GRM3: variants seen among roughly 807,000 people sequenced by gnomAD.
The protein encoded by GRM3 is metabotropic glutamate receptor 3.
GRM3 carries 26 observed loss-of-function variants against 70.5 expected under a neutral mutation model. The ratio of observed to expected loss-of-function variants is 0.37; its 90% CI spans 0.27 to 0.51. GRM3 has a LOEUF of 0.51. Ranked by LOEUF, GRM3 falls within the 20% of genes least tolerant of loss-of-function variation. The pLI is 0.93. For synonymous variants in GRM3, 443 were observed against 434.9 expected (o/e 1.02, Z -0.23); for missense variants, 859 against 1,123.8 (o/e 0.76, Z 3.37).
At chr7:86,650,568 T>G (rs1793579588) in intron 1 of GRM3, among the ~76,000 whole-genome samples, 1 of 152,146 alleles carries the variant, frequency 6.6e-6, no homozygotes, top group South Asian at 2.1e-4. Context: ...ATGGAAGAAG[T>G]AAGCTAAAAC....
rs17856664 is a variant in GRM3, at chr7:86,839,048, C to G, written c.1534C>G (p.Pro512Ala). 6.2e-7 allele frequency: 1 copy of G among 1,613,946 alleles called. No individual in the cohort carries two copies. The highest frequency in any genetic ancestry group is 8.5e-7 in the Non-Finnish European group (1 of 1,179,872). ...AGTCCCCACTTCCCAGTGCAGCGACCCCTGTGCCCCCAATGAAATGAAGAA... is the reference window on the plus strand; with the variant it reads ...AGTCCCCACTTCCCAGTGCAGCGACGCCTGTGCCCCCAATGAAATGAAGAA... ...NSVPTSQCSD[P>A]CAPNEMKNMQ... is the part of the protein sequence containing the mutation. Residue 512 changes from proline (P) to alanine (A), a missense_variant, in exon 4 of 6, where the codon CCC becomes GCC. Transcript: ENST00000361669. This position sits in a 1 kb window ranked among gnomAD's most constrained non-coding sequence, Gnocchi z 4.5.
At chr7:86,776,464 C>T (rs1366019361) in intron 2 of GRM3, among the ~76,000 whole-genome samples, 3 of 152,046 alleles carry the variant, frequency 2.0e-5, no homozygotes, top group Admixed American at 6.6e-5. Flanking sequence ...CTGTTTGCTA[C>T]AATATGGTGA....
chr7:86,745,712 T>A (rs960669272), intron 1 of GRM3, among the ~76,000 whole-genome samples: 11 of 152,100 alleles, frequency 7.2e-5, no homozygotes, highest in Admixed American at 1.3e-4. Flanking sequence ...ACATGCCTAA[T>A]TTTTCTGTCA....
intron 1 of GRM3, among the ~76,000 whole-genome samples, chr7:86,677,619 T>TGTA (rs1794339015): frequency 7.2e-5 from 11 of 152,184 alleles, no homozygotes; most frequent in African/African-American, 2.6e-4. Context: ...TTCTAAAACT[T>TGTA]ATTAGTTTCA....
chr7:86,706,528 G>A (rs1795061077), intron 1 of GRM3, among the ~76,000 whole-genome samples: 1 of 152,024 alleles, frequency 6.6e-6, no homozygotes, highest in South Asian at 2.1e-4. Flanking sequence ...TTTGTGGTGG[G>A]CAGTATGCTG....
chr7:86,844,307 T>A (rs1171204955), intron 4 of GRM3, among the ~76,000 whole-genome samples: 1 of 152,156 alleles, frequency 6.6e-6, no homozygotes, highest in Non-Finnish European at 1.5e-5. Context: ...AGCCAGACAT[T>A]GGAATTCTAT....
chr7:86,805,261 T>G (rs1562870118), intron 3 of GRM3, among the ~76,000 whole-genome samples: 1 of 152,232 alleles, frequency 6.6e-6, no homozygotes, highest in African/African-American at 2.4e-5. Flanking sequence ...ACCTTTTTTT[T>G]ATTTTTTAAA....
intron 3 of GRM3, among the ~76,000 whole-genome samples, chr7:86,804,029 G>A (rs930554091): frequency 3.3e-5 from 5 of 152,116 alleles, no homozygotes; most frequent in African/African-American, 1.2e-4. Context: ...GAGGTGGAGT[G>A]ACTCAACTAC....
rs747828167 is a variant in GRM3, at chr7:86,786,245, C to A, written c.469-16C>A. 2 of 1,597,368 alleles carry A rather than the reference C, an allele frequency of 1.3e-6. No homozygotes were observed. The highest frequency in any genetic ancestry group is 4.5e-5 in the East Asian group (2 of 44,720). On this transcript the variant is annotated splice_polypyrimidine_tract_variant and intron_variant, in intron 2 of 5. Transcript: ENST00000361669. The surrounding 1 kb of genome is among the most constrained non-coding windows in gnomAD (Gnocchi z 6.0). ...CTCGGGGTTTCTAACAAAGGTCCTT[C>A]TTCTCCCTCCCCTAGGTGGCAAACC...
chr7:86,757,143 G>T (rs535721390), intron 1 of GRM3, among the ~76,000 whole-genome samples: 1 of 152,220 alleles, frequency 6.6e-6, no homozygotes, highest in South Asian at 2.1e-4. Context: ...TCCAAAATGT[G>T]CACCATTTCA....
intron 3 of GRM3, among the ~76,000 whole-genome samples, chr7:86,834,258 A>C (rs1027950346): frequency 6.6e-6 from 1 of 152,160 alleles, no homozygotes; most frequent in African/African-American, 2.4e-5. Context: ...TTTGCCTTTC[A>C]ATAATGTTTA....
At chr7:86,779,509 T>C (rs1796986522) in intron 2 of GRM3, among the ~76,000 whole-genome samples, 1 of 152,040 alleles carries the variant, frequency 6.6e-6, no homozygotes, top group Admixed American at 6.6e-5. Flanking sequence ...CATCAATCCA[T>C]TTAACAAATA....
At chr7:86,797,787 C>T (rs1023376056) in intron 3 of GRM3, among the ~76,000 whole-genome samples, 8 of 152,122 alleles carry the variant, frequency 5.3e-5, no homozygotes, top group African/African-American at 9.7e-5. Context: ...CCCATCCCAA[C>T]ATCCCCTCCC....
chr7:86,863,255 C>T (rs1798993014), intron 5 of GRM3, among the ~76,000 whole-genome samples: 1 of 151,934 alleles, frequency 6.6e-6, no homozygotes. Context: ...AAAACTTTAC[C>T]AACAACAAGT....
At chr7:86,835,730 C>T (rs1798444399) in intron 3 of GRM3, among the ~76,000 whole-genome samples, 1 of 152,124 alleles carries the variant, frequency 6.6e-6, no homozygotes, top group South Asian at 2.1e-4. Flanking sequence ...CCCACCTCAG[C>T]CTCCTGAGTA....
intron 4 of GRM3, among the ~76,000 whole-genome samples, chr7:86,846,808 G>C (rs6947778): frequency 0.11 from 17,000 of 152,150 alleles, 1,653 homozygotes; most frequent in African/African-American, 0.27. Flanking sequence ...CCCCTGAAAC[G>C]CTCATATTTT....
In GRM3 at chr7:86,656,329, G is replaced by A. The variant is rs367662105; in HGVS notation, c.-141+11457G>A. ...TGCCCAGGCTGGAGTGCAGTGGCAC[G>A]ATCTCAGCTCAGTGCTGCAACCTCT... On this transcript the variant is annotated intron_variant, in intron 1 of 5. Coordinates refer to ENST00000361669, the MANE Select transcript of GRM3 (RefSeq NM_000840.3). 9.1e-5 allele frequency among the ~76,000 whole-genome samples: 12 copies of A among 132,442 alleles called. No individual in the cohort carries two copies. The East Asian group carries it at 2.2e-3, about 24-fold the overall frequency. 86.9% of individuals were successfully genotyped at this position (132,442 alleles called of 152,430 possible). A position where few individuals can be genotyped will look rare whatever the true frequency, so the allele number is the denominator to read the frequency against.
chr7:86,797,235 A>C (rs1338084715), intron 3 of GRM3, among the ~76,000 whole-genome samples: 2 of 152,224 alleles, frequency 1.3e-5, no homozygotes, highest in Admixed American at 1.3e-4. Context: ...GCTCAGAAGA[A>C]GACAGGAAAA....
chr7:86,864,222 C>CTAT (rs1799018198), intron 5 of GRM3, 60 bp from the exon 6 acceptor site: 1 of 845,368 alleles, frequency 1.2e-6, no homozygotes, highest in African/African-American at 1.7e-5. Context: ...ATCCTTCATG[C>CTAT]TATTACCTTT....
Sources: allele counts gnomAD v4.1 joint callset (sites outside exome capture counted in the v4.1 genomes callset), GRCh38; gene constraint gnomAD v4.1.1; non-coding constraint Gnocchi (gnomAD v3.1); transcripts MANE v1.5; gene names NCBI Gene and HGNC (gene_info 2026-07-23, HGNC 2026-07-21).